Variants in CNTNAP2 observed in about 807,000 individuals in gnomAD.
CNTNAP2 encodes contactin-associated protein-like 2.
CNTNAP2 carries 98 observed loss-of-function variants against 155.2 expected under a neutral mutation model. The observed-to-expected ratio is 0.63, with a 90% CI of 0.54 to 0.75. CNTNAP2 has a LOEUF of 0.75. Ranked by LOEUF, CNTNAP2 falls within the 30% of genes least tolerant of loss-of-function variation. The pLI is 0.00. For missense variants in CNTNAP2, 1,727 were observed against 1,688.1 expected, an observed-to-expected ratio of 1.02 and a Z score of -0.40; for synonymous variants, 651 against 631.2, an observed-to-expected ratio of 1.03 and a Z score of -0.47.
intron 10 of CNTNAP2, among the ~76,000 whole-genome samples, chr7:147,414,941 CAAA>C (rs67048724): frequency 3.9e-5 from 2 of 50,952 alleles, no homozygotes; most frequent in Admixed American, 2.8e-4. Flanking sequence ...GACTCCTTCT[CAAA>C]AAAAAAAAAA....
intron 4 of CNTNAP2, among the ~76,000 whole-genome samples, chr7:147,050,636 T>C (rs1420253883): frequency 6.6e-6 from 1 of 152,182 alleles, no homozygotes; most frequent in Non-Finnish European, 1.5e-5. Flanking sequence ...GAATACCCTC[T>C]TCTAGGGTCA....
Position 146,529,172 on chromosome 7 carries a change from G to A in CNTNAP2, c.98-245099G>A, listed in dbSNP as rs139020168. The stretch of plus-strand genomic sequence containing the variant: ...TGCATTTTTTATATGGACCAGCACA[G>A]TCTATAGCATGTGGTCCCACTTATG... On this transcript the variant is annotated intron_variant, in intron 1 of 23. Transcript: ENST00000361727. Among the ~76,000 whole-genome samples, 666 of 152,266 alleles carry A rather than the reference G, an allele frequency of 4.4e-3. 7 individuals are homozygous for A. Among genetic ancestry groups the A allele is most frequent in the African/African-American group, 0.015 (628 of 41,560 alleles).
At chr7:146,621,719 A>T (rs528152969) in intron 1 of CNTNAP2, among the ~76,000 whole-genome samples, 1 of 152,274 alleles carries the variant, frequency 6.6e-6, no homozygotes, top group African/African-American at 2.4e-5. Flanking sequence ...TTACCTGGCT[A>T]AAGTAGGATT....
chr7:147,217,601 G>A (rs1039540996), intron 8 of CNTNAP2, among the ~76,000 whole-genome samples: 1 of 151,846 alleles, frequency 6.6e-6, no homozygotes, highest in Non-Finnish European at 1.5e-5. Flanking sequence ...GGAGGTATTG[G>A]TCATAGTTTT....
At chr7:147,899,037 A>G (rs927688288) in intron 13 of CNTNAP2, among the ~76,000 whole-genome samples, 6 of 152,198 alleles carry the variant, frequency 3.9e-5, no homozygotes, top group African/African-American at 1.2e-4. Context: ...CTTATATGAG[A>G]TATCTAAAGT....
At chr7:146,589,346 ACCCAAATG>A (rs1265798115) in intron 1 of CNTNAP2, among the ~76,000 whole-genome samples, 5 of 152,144 alleles carry the variant, frequency 3.3e-5, no homozygotes, top group Non-Finnish European at 1.5e-5. Context: ...CTTGGAACCA[ACCCAAATG>A]CCCATCAGTA....
chr7:146,316,758 ATT>A (rs112549607), intron 1 of CNTNAP2, among the ~76,000 whole-genome samples: 7,063 of 145,742 alleles, frequency 0.048, 560 homozygotes, highest in African/African-American at 0.17. Flanking sequence ...AGGTTTTTTA[ATT>A]TTTTTTTTTT....
At chr7:147,109,975 A>G (rs1800843611) in intron 5 of CNTNAP2, among the ~76,000 whole-genome samples, 1 of 151,948 alleles carries the variant, frequency 6.6e-6, no homozygotes, top group Non-Finnish European at 1.5e-5. Flanking sequence ...CCCAGGCTGG[A>G]GTGCAGTGGC....
intron 1 of CNTNAP2, among the ~76,000 whole-genome samples, chr7:146,709,093 G>A (rs1801017506): frequency 6.6e-6 from 1 of 152,114 alleles, no homozygotes; most frequent in East Asian, 1.9e-4. Flanking sequence ...TAACATAATT[G>A]TGATTTCATC....
chr7:147,755,761 A>T (rs750654181), intron 13 of CNTNAP2, among the ~76,000 whole-genome samples: 4 of 152,204 alleles, frequency 2.6e-5, no homozygotes, highest in Non-Finnish European at 4.4e-5. Context: ...GCTTAGAAAG[A>T]TCCCACATCT....
intron 14 of CNTNAP2, among the ~76,000 whole-genome samples, chr7:147,925,314 A>G (rs1212473441): frequency 3.3e-5 from 5 of 151,586 alleles, no homozygotes; most frequent in South Asian, 2.1e-4. Flanking sequence ...ACACACACAC[A>G]CACACACACA....
At chr7:146,164,810 A>G (rs1360459468) in intron 1 of CNTNAP2, among the ~76,000 whole-genome samples, 1 of 152,178 alleles carries the variant, frequency 6.6e-6, no homozygotes, top group African/African-American at 2.4e-5. Context: ...TATGTTTCAT[A>G]AAAAGACAAT....
intron 13 of CNTNAP2, among the ~76,000 whole-genome samples, chr7:147,869,681 A>C (rs1306495789): frequency 1.3e-5 from 2 of 152,238 alleles, no homozygotes; most frequent in African/African-American, 4.8e-5. Flanking sequence ...AGGGATGTAT[A>C]AGTGTCCCTG....
intron 21 of CNTNAP2, among the ~76,000 whole-genome samples, chr7:148,298,136 T>C (rs1797318559): frequency 6.6e-6 from 1 of 152,196 alleles, no homozygotes; most frequent in African/African-American, 2.4e-5. Flanking sequence ...GTCTTAATCA[T>C]ATGTGACCTT....
chr7:147,784,147 G>T (rs1355685538), intron 13 of CNTNAP2, among the ~76,000 whole-genome samples: 1 of 151,732 alleles, frequency 6.6e-6, no homozygotes, highest in Non-Finnish European at 1.5e-5. Flanking sequence ...TATAAGGACA[G>T]CAGCCATATT....
chr7:147,539,136 T>C (rs1008215952), intron 11 of CNTNAP2, among the ~76,000 whole-genome samples: 1 of 152,288 alleles, frequency 6.6e-6, no homozygotes, highest in Middle Eastern at 3.4e-3. Flanking sequence ...TACACACATA[T>C]ATATACATAT....
intron 9 of CNTNAP2, among the ~76,000 whole-genome samples, chr7:147,312,748 A>C (rs1795149622): frequency 9.0e-6 from 1 of 111,302 alleles, no homozygotes; most frequent in Non-Finnish European, 1.7e-5. Context: ...TTATAACAGC[A>C]TGATTTATAG....
intron 11 of CNTNAP2, among the ~76,000 whole-genome samples, chr7:147,532,295 G>A (rs1217672062): frequency 6.6e-6 from 1 of 152,156 alleles, no homozygotes; most frequent in Non-Finnish European, 1.5e-5. Context: ...CATCTCTAGG[G>A]CAGGGGCAAA....
rs150300679 is a variant in CNTNAP2 at position 147,274,112 on chromosome 7, G to A, written c.1349-26029G>A. ...TCATCTGTTGATACACACTTAGGTT[G>A]ACTCCATGACTTTGCTATTGCAAAT... On this transcript the variant is annotated intron_variant, in intron 8 of 23. Coordinates refer to ENST00000361727, the MANE Select transcript of CNTNAP2 (RefSeq NM_014141.6). Among the ~76,000 whole-genome samples the A allele has an allele frequency of 9.2e-5, 14 of 151,812 alleles. No homozygotes were observed. The East Asian group carries it at 2.7e-3, about 29-fold the overall frequency.
Sources: gnomAD v4.1 joint callset for allele counts (sites outside exome capture counted in the v4.1 genomes callset) on GRCh38, gnomAD v4.1.1 for gene constraint, MANE v1.5 for transcripts, NCBI Gene and HGNC (gene_info 2026-07-23, HGNC 2026-07-21) for gene names.